CYTH3: variants seen among roughly 807,000 people sequenced by gnomAD.
CYTH3 encodes the protein cytohesin-3.
A neutral mutation model predicts 55.1 loss-of-function variants in CYTH3; 23 were observed. The observed-to-expected ratio is 0.42, with a 90% CI of 0.30 to 0.59. CYTH3 has a LOEUF of 0.59. Among genes scored for constraint, CYTH3 ranks in the 20% least tolerant of loss-of-function variants. The pLI, the probability that CYTH3 is intolerant of heterozygous loss-of-function variation, is 0.20. For missense variants in CYTH3, 413 were observed against 524.8 expected (o/e 0.79, Z 2.08); for synonymous variants, 249 against 194.9 (o/e 1.28, Z -2.31).
At chr7:6,259,834 T>A (rs7808207) in intron 1 of CYTH3, among the ~76,000 whole-genome samples, 1,134 of 16,358 alleles carry the variant, frequency 0.069, 87 homozygotes, top group East Asian at 0.41. Flanking sequence ...ATATATATAT[T>A]TTTTTTTTTT....
intron 1 of CYTH3, among the ~76,000 whole-genome samples, chr7:6,261,046 T>C (rs971276684): frequency 3.3e-5 from 5 of 152,022 alleles, no homozygotes; most frequent in African/African-American, 1.2e-4. Context: ...ACTGAACAAA[T>C]TATTAGAAAC....
chr7:6,179,616 ACACACACCC>A (rs1783427750), intron 4 of CYTH3, among the ~76,000 whole-genome samples: 1 of 121,262 alleles, frequency 8.2e-6, no homozygotes, highest in African/African-American at 3.4e-5. Context: ...CACACCACAC[ACACACACCC>A]CCCACATACA....
intron 4 of CYTH3, among the ~76,000 whole-genome samples, 178 bp from the exon 5 acceptor site, chr7:6,178,119 C>G (rs774441886): frequency 6.6e-6 from 1 of 152,206 alleles, no homozygotes; most frequent in Non-Finnish European, 1.5e-5. Context: ...TTTTATCCAC[C>G]AAAGAAACGC....
chr7:6,185,773 A>T (rs1320446522), intron 4 of CYTH3, among the ~76,000 whole-genome samples: 1 of 152,044 alleles, frequency 6.6e-6, no homozygotes, highest in East Asian at 1.9e-4. Flanking sequence ...CGTGAGCAGG[A>T]AATAACGACA....
intron 1 of CYTH3, among the ~76,000 whole-genome samples, chr7:6,269,277 C>T (rs1313570972): frequency 6.6e-6 from 1 of 152,172 alleles, no homozygotes; most frequent in Admixed American, 6.5e-5. Flanking sequence ...ACGACCTTGC[C>T]GTTCAAATAT....
At position 6,173,581 on chromosome 7, in the gene CYTH3, G is replaced by A. The variant is rs531183504; in HGVS notation, c.449+72C>T. ...CCAAGTTACCTGGAGTCAATTCACCGCCACTGCTGCCCAGGCAGTGGTCCT... is the reference window on the plus strand; with the variant it reads ...CCAAGTTACCTGGAGTCAATTCACCACCACTGCTGCCCAGGCAGTGGTCCT... On this transcript the variant is annotated intron_variant, in intron 6 of 12. Transcript: ENST00000350796. 5.1e-5 allele frequency: 49 copies of A among 962,428 alleles called. 1 individual carries two copies. The highest frequency in any genetic ancestry group is 4.6e-4 in the East Asian group (19 of 41,410). The allele number at this position is 962,428 out of a possible 1,614,324, so 59.6% of individuals were successfully genotyped here.
intron 1 of CYTH3, among the ~76,000 whole-genome samples, chr7:6,223,376 G>C (rs1010664617): frequency 1.3e-5 from 2 of 152,338 alleles, no homozygotes; most frequent in Non-Finnish European, 2.9e-5. Flanking sequence ...GACGATGGCG[G>C]TTTTGTCGAA....
chr7:6,193,904 C>G (rs143231020), intron 1 of CYTH3, among the ~76,000 whole-genome samples: 199 of 152,238 alleles, frequency 1.3e-3, no homozygotes, highest in African/African-American at 4.3e-3. Flanking sequence ...CGACTGCAGG[C>G]CACGGGCCAT....
At chr7:6,210,825 G>C (rs1242430243) in intron 1 of CYTH3, among the ~76,000 whole-genome samples, 4 of 152,106 alleles carry the variant, frequency 2.6e-5, no homozygotes, top group African/African-American at 9.7e-5. Context: ...GAAAACAGTT[G>C]GGCATATTGC....
chr7:6,200,092 G>C (rs1323282165), intron 1 of CYTH3, among the ~76,000 whole-genome samples: 2 of 152,138 alleles, frequency 1.3e-5, no homozygotes, highest in African/African-American at 4.8e-5. Context: ...TGTATAATTT[G>C]TATCTCAGAA....
intron 1 of CYTH3, among the ~76,000 whole-genome samples, chr7:6,215,020 T>C (rs1784394690): frequency 6.6e-6 from 1 of 152,138 alleles, no homozygotes. Flanking sequence ...TACACAAAAC[T>C]ACAGAGTTAT....
At position 6,170,941 on chromosome 7, in the gene CYTH3, G is replaced by C. The variant is rs1400785180; in HGVS notation, c.600C>G (p.Leu200=). 1.2e-6 allele frequency: 2 copies of C among 1,614,032 alleles called. No individual in the cohort carries two copies. The highest frequency in any genetic ancestry group is 1.7e-6 in the Non-Finnish European group (2 of 1,179,940). The change falls in exon 8 of 13, where the codon CTC becomes CTG. Residue 200 remains leucine, a synonymous_variant. Coordinates refer to ENST00000350796, the MANE Select transcript of CYTH3 (RefSeq NM_004227.4). The surrounding 1 kb of genome is among the most constrained non-coding windows in gnomAD (Gnocchi z 7.8). ...CGTTGTGGTTGTGGAGGCTGGTGTT[G>C]AGCATGATGATGGCGAATGACAGCA... ...CYVLSFAIIM[L]NTSLHNHNVR...
intron 1 of CYTH3, among the ~76,000 whole-genome samples, chr7:6,228,744 T>C (rs992011676): frequency 1.6e-4 from 24 of 152,174 alleles, no homozygotes; most frequent in African/African-American, 5.8e-4. Flanking sequence ...AAGGATTCCC[T>C]CACACTCAAG....
At chr7:6,259,750 ATATATAT>A (rs1421731692) in intron 1 of CYTH3, among the ~76,000 whole-genome samples, 6 of 11,850 alleles carry the variant, frequency 5.1e-4, no homozygotes, top group South Asian at 2.2e-3. Context: ...TATAATATAT[ATATATAT>A]TATATATATA....
chr7:6,266,837 C>T (rs1780505712), intron 1 of CYTH3, among the ~76,000 whole-genome samples: 1 of 152,166 alleles, frequency 6.6e-6, no homozygotes, highest in Non-Finnish European at 1.5e-5. Flanking sequence ...TCTGTCTCTC[C>T]ATCTAAACAT....
intron 1 of CYTH3, among the ~76,000 whole-genome samples, chr7:6,231,727 G>A (rs1430816140): frequency 6.6e-6 from 1 of 152,200 alleles, no homozygotes; most frequent in Non-Finnish European, 1.5e-5. Context: ...TCACAGGTAA[G>A]AGAATCCTAG....
In CYTH3 at chr7:6,184,682, G is replaced by A. The variant is rs138084070; in HGVS notation, c.249+2368C>T. Among the ~76,000 whole-genome samples the A allele has an allele frequency of 7.7e-3, 1,171 of 151,740 alleles. 28 individuals are homozygous for A. The highest frequency in any genetic ancestry group is 0.027 in the African/African-American group (1,135 of 41,342). On this transcript the variant is annotated intron_variant, in intron 4 of 12. Transcript: ENST00000350796. ...TGCAACCTGACTCCCAGGTTCAAGC[G>A]ATTCTCGCGCCTCAGCCTCCCGAGT...
intron 2 of CYTH3, chr7:6,188,604 C>T (rs932879523): frequency 3.3e-5 from 5 of 152,196 alleles, no homozygotes; most frequent in Non-Finnish European, 7.3e-5. Context: ...GGACAGAGCC[C>T]GGGGGTGAAC....
At chr7:6,186,145 G>A (rs1004704278) in intron 4 of CYTH3, among the ~76,000 whole-genome samples, 13 of 151,446 alleles carry the variant, frequency 8.6e-5, no homozygotes, top group Non-Finnish European at 1.5e-4. Flanking sequence ...CCGGGAGGCT[G>A]AGGCAGGAGA....
Sources: allele counts gnomAD v4.1 joint callset (sites outside exome capture counted in the v4.1 genomes callset), GRCh38; gene constraint gnomAD v4.1.1; non-coding constraint Gnocchi (gnomAD v3.1); transcripts MANE v1.5; gene names NCBI Gene and HGNC (gene_info 2026-07-23, HGNC 2026-07-21).